The following ZBTB44 variants were observed in gnomAD, a reference collection of about 807,000 sequenced individuals.
The protein encoded by ZBTB44 is zinc finger and BTB domain-containing protein 44.
Under a neutral mutation model 54.0 loss-of-function variants are expected in ZBTB44, and 15 were observed. The ratio of observed to expected loss-of-function variants is 0.28; its 90% confidence interval spans 0.19 to 0.43. The LOEUF is 0.43. Ranked by LOEUF, ZBTB44 falls within the 20% of genes least tolerant of loss-of-function variation. The pLI, the probability that ZBTB44 is intolerant of heterozygous loss-of-function variation, is 1.00. For missense variants in ZBTB44, 487 were observed against 707.1 expected, an observed-to-expected ratio of 0.69 and a Z score of 3.53; for synonymous variants, 230 against 250.1, an observed-to-expected ratio of 0.92 and a Z score of 0.76.
At chr11:130,276,342 G>C (rs1391076580) in intron 1 of ZBTB44, among the ~76,000 whole-genome samples, 1 of 151,724 alleles carries the variant, frequency 6.6e-6, no homozygotes, top group African/African-American at 2.4e-5. Context: ...CTCTATTGTT[G>C]CTGGGTGAAG....
chr11:130,241,021 T>C (rs941840051), intron 2 of ZBTB44, among the ~76,000 whole-genome samples: 1 of 152,270 alleles, frequency 6.6e-6, no homozygotes, highest in Non-Finnish European at 1.5e-5. Flanking sequence ...TTCTTTTGTC[T>C]TGCTTCTTTC....
At chr11:130,255,382 A>C (rs745924103) in intron 2 of ZBTB44, among the ~76,000 whole-genome samples, 2 of 152,232 alleles carry the variant, frequency 1.3e-5, no homozygotes, top group Non-Finnish European at 2.9e-5. Context: ...AAGGTACCAG[A>C]ATCTCCGGGA....
chr11:130,260,200 GTACT>G (rs764804593), intron 2 of ZBTB44, among the ~76,000 whole-genome samples: 3 of 152,122 alleles, frequency 2.0e-5, no homozygotes, highest in East Asian at 3.8e-4. Context: ...TCAGGCATCT[GTACT>G]TACTTACATC....
Position 130,260,901 on chromosome 11 carries a change from G to C in ZBTB44, c.973C>G (p.Gln325Glu). 6.2e-7 allele frequency: 1 copy of C among 1,613,960 alleles called. No individual in the cohort carries two copies. The highest frequency in any genetic ancestry group is 8.5e-7 in the Non-Finnish European group (1 of 1,179,896). The change falls in exon 2 of 8, where the codon CAA becomes GAA. Residue 325 changes from glutamine to glutamate, a missense_variant. Physicochemically the swap from Gln to Glu is conservative, Grantham distance 29. This residue lies in a region of ZBTB44 where 277 missense variants were observed against 306.5 expected (regional missense o/e 0.90). Coordinates refer to ENST00000357899, the MANE Select transcript of ZBTB44 (RefSeq NM_001301098.2). ...SDQQTVPGSE[Q>E]VQEDLLISPQ... ...CTAATCAGAAGGTCCTCTTGGACTTGTTCACTTCCTGGAACTGTCTGCTGA... is the reference window on the plus strand; with the variant it reads ...CTAATCAGAAGGTCCTCTTGGACTTCTTCACTTCCTGGAACTGTCTGCTGA...
intron 1 of ZBTB44, among the ~76,000 whole-genome samples, chr11:130,282,412 C>T (rs546740542): frequency 1.3e-5 from 2 of 152,306 alleles, no homozygotes; most frequent in East Asian, 1.9e-4. Context: ...TTGTTTCTGG[C>T]TTATTTCACA....
Position 130,238,132 on chromosome 11 carries a change from C to T in ZBTB44, c.1267+312G>A, listed in dbSNP as rs189208245. On this transcript the variant is annotated intron_variant, in intron 4 of 7. Transcript: ENST00000357899. ...GAACACCCATACAGACCCTTTTAAC[C>T]CTATTTGCTTTACCATCTGTGTTTG... Among the ~76,000 whole-genome samples, 185 of 152,174 alleles carry T rather than the reference C, an allele frequency of 1.2e-3. No homozygotes were observed. The Middle Eastern group carries it at 0.024, about 20-fold the overall frequency.
intron 1 of ZBTB44, among the ~76,000 whole-genome samples, chr11:130,292,981 C>T (rs1006105037): frequency 2.0e-5 from 3 of 152,048 alleles, no homozygotes; most frequent in Admixed American, 6.6e-5. Flanking sequence ...AGGCATTTTC[C>T]CATGATATGA....
chr11:130,290,769 C>G (rs1941252978), intron 1 of ZBTB44, among the ~76,000 whole-genome samples: 1 of 152,230 alleles, frequency 6.6e-6, no homozygotes, highest in Non-Finnish European at 1.5e-5. Context: ...TCCTTGAGAT[C>G]TGGCAGAACT....
rs745423647 is a variant in ZBTB44 at position 130,238,609 on chromosome 11, TA to T, written c.1104-3del. 71 of 1,605,804 alleles carry T rather than the reference TA, an allele frequency of 4.4e-5. 1 individual carries two copies. The highest frequency in any genetic ancestry group is 1.7e-4 in the Middle Eastern group (1 of 6,014). ...TAGGGATACTGAACATTTTCCAATC[TA>T]AAAAAAACAGACCAAAGAAGGCAAC... is the stretch of plus-strand genomic sequence containing the variant. On this transcript the variant is annotated splice_polypyrimidine_tract_variant and splice_region_variant and intron_variant, in intron 3 of 7. Coordinates refer to ENST00000357899, the MANE Select transcript of ZBTB44 (RefSeq NM_001301098.2).
Position 130,231,524 on chromosome 11 carries a change from ACAGT to A in ZBTB44, c.*236_*239del. 1 of 152,190 alleles carries A rather than the reference ACAGT, an allele frequency of 6.6e-6. No individual in the cohort carries two copies. Among genetic ancestry groups the A allele is most frequent in the East Asian group, 1.9e-4 (1 of 5,198 alleles). 9.4% of individuals were successfully genotyped at this position (152,190 alleles called of 1,614,324 possible). On this transcript the variant is annotated 3_prime_UTR_variant, in exon 8 of 8. Transcript: ENST00000357899. Reference sequence around the variant, plus strand: ...ATGGGTAATCCCTCATTCTGAGAACACAGTCAGAATATCTTGGAGCTACCAACAT... The same window carrying A: ...ATGGGTAATCCCTCATTCTGAGAACACAGAATATCTTGGAGCTACCAACAT...
intron 1 of ZBTB44, chr11:130,310,355 A>G (rs1178007152): frequency 1.3e-5 from 2 of 152,226 alleles, no homozygotes; most frequent in Admixed American, 1.3e-4. Flanking sequence ...TTGCCTAATG[A>G]GAGAAGTGGC....
At chr11:130,250,308 C>G (rs1487995712) in intron 2 of ZBTB44, among the ~76,000 whole-genome samples, 1 of 152,224 alleles carries the variant, frequency 6.6e-6, no homozygotes, top group Non-Finnish European at 1.5e-5. Flanking sequence ...GACAGAGCAC[C>G]TGGGAGAAGG....
At chr11:130,239,352 G>T (rs915088306) in intron 3 of ZBTB44, 1 of 153,684 alleles carries the variant, frequency 6.5e-6, no homozygotes, top group African/African-American at 2.4e-5. Flanking sequence ...ATCAAGCAGG[G>T]AGGGAGTTAT....
At position 130,314,815 on chromosome 11, in the gene ZBTB44, G is replaced by A. The variant is rs1255916978; in HGVS notation, c.-497C>T. 1 of 105,848 alleles carries A rather than the reference G, an allele frequency of 9.4e-6. No homozygotes were observed. The highest frequency in any genetic ancestry group is 2.0e-5 in the Non-Finnish European group (1 of 50,940). 6.6% of individuals were successfully genotyped at this position (105,848 alleles called of 1,614,324 possible). The stretch of plus-strand genomic sequence containing the variant: ...GGGGACTGAGGGGAGGGGAGGGGGA[G>A]GTTGGGAGGGAGCCGCCGCCGCGCG... On this transcript the variant is annotated 5_prime_UTR_variant, in exon 1 of 8. Coordinates refer to ENST00000357899, the MANE Select transcript of ZBTB44 (RefSeq NM_001301098.2).
chr11:130,274,246 T>C (rs765030511), intron 1 of ZBTB44, among the ~76,000 whole-genome samples: 7 of 152,336 alleles, frequency 4.6e-5, no homozygotes, highest in East Asian at 1.9e-4. Flanking sequence ...CTTTGCACTT[T>C]GGCGCATTTC....
At chr11:130,257,843 A>G (rs933674271) in intron 2 of ZBTB44, among the ~76,000 whole-genome samples, 15 of 152,148 alleles carry the variant, frequency 9.9e-5, no homozygotes, top group Non-Finnish European at 2.2e-4. Flanking sequence ...GTATTCCCCA[A>G]GGTATCCCCT....
At chr11:130,258,298 T>C (rs1432324234) in intron 2 of ZBTB44, among the ~76,000 whole-genome samples, 1 of 152,216 alleles carries the variant, frequency 6.6e-6, no homozygotes, top group African/African-American at 2.4e-5. Flanking sequence ...TCAATATACA[T>C]ATTCAGTATC....
At chr11:130,268,875 C>T (rs149785342) in intron 1 of ZBTB44, among the ~76,000 whole-genome samples, 3,049 of 151,204 alleles carry the variant, frequency 0.02, 55 homozygotes, top group Non-Finnish European at 0.029. Context: ...CCATCACGCT[C>T]GGCCTCAAAT....
rs1180476619 is a variant in ZBTB44 at position 130,230,471 on chromosome 11, G to C, written c.*1293C>G. 1 of 129,448 alleles carries C rather than the reference G, an allele frequency of 7.7e-6. No homozygotes were observed. Among genetic ancestry groups the C allele is most frequent in the Non-Finnish European group, 1.6e-5 (1 of 64,494 alleles). 8.0% of individuals were successfully genotyped at this position (129,448 alleles called of 1,614,324 possible). On this transcript the variant is annotated 3_prime_UTR_variant, in exon 8 of 8. Transcript: ENST00000357899. ...AGAACAAAGGGCATGTGTCGTAACA[G>C]GGGATCTAATTACTGTAAGCCAGAA... is the stretch of plus-strand genomic sequence containing the variant.
Sources: allele counts gnomAD v4.1 joint callset (sites outside exome capture counted in the v4.1 genomes callset), GRCh38; gene constraint gnomAD v4.1.1; regional missense constraint gnomAD v4.1.1; transcripts MANE v1.5; gene names NCBI Gene and HGNC (gene_info 2026-07-23, HGNC 2026-07-21).